The following TENM4 variants were observed in gnomAD, a reference collection of about 807,000 sequenced individuals.
The protein encoded by TENM4 is teneurin transmembrane protein 4.
In TENM4, 82 loss-of-function variants were observed where a neutral mutation model predicts 243.3. The observed-to-expected ratio is 0.34, with a 90% confidence interval of 0.28 to 0.40. The LOEUF (loss-of-function observed/expected upper bound fraction) is 0.40. Ranked by LOEUF, TENM4 falls within the 10% of genes least tolerant of loss-of-function variation. The pLI is 1.00. For missense variants in TENM4, 3,138 were observed against 3,673.3 expected (o/e 0.85, Z 3.77); for synonymous variants, 1,412 against 1,456.3 (o/e 0.97, Z 0.69).
chr11:79,320,302 C>T (rs1403833336), intron 1 of TENM4, among the ~76,000 whole-genome samples: 1 of 152,190 alleles, frequency 6.6e-6, no homozygotes, highest in Non-Finnish European at 1.5e-5. Context: ...GGTACAGCTG[C>T]ATGATGCAAA....
chr11:78,940,967 GAA>G (rs1856880461), intron 6 of TENM4, among the ~76,000 whole-genome samples: 1 of 152,194 alleles, frequency 6.6e-6, no homozygotes. Flanking sequence ...CTTTTTGCCT[GAA>G]AAGTTACCAA....
intron 21 of TENM4, among the ~76,000 whole-genome samples, chr11:78,732,076 C>T (rs1182374824): frequency 6.6e-6 from 1 of 152,068 alleles, no homozygotes; most frequent in African/African-American, 2.4e-5. Context: ...TTAGTATAAA[C>T]CAGAGTGTGC....
At chr11:79,126,322 G>A (rs886992353) in intron 4 of TENM4, among the ~76,000 whole-genome samples, 2 of 152,140 alleles carry the variant, frequency 1.3e-5, no homozygotes, top group Non-Finnish European at 2.9e-5. Context: ...GATTTGTGAG[G>A]GCAGCACCTG....
At chr11:79,231,068 A>G (rs1316464932) in intron 2 of TENM4, among the ~76,000 whole-genome samples, 2 of 152,228 alleles carry the variant, frequency 1.3e-5, no homozygotes, top group African/African-American at 2.4e-5. Flanking sequence ...AACTTAACAA[A>G]AATGAAAGTT....
intron 1 of TENM4, among the ~76,000 whole-genome samples, chr11:79,419,968 T>A (rs978298767): frequency 1.3e-5 from 2 of 152,188 alleles, no homozygotes; most frequent in African/African-American, 4.8e-5. Context: ...TGCATGTGTG[T>A]GTGAGTGAGA....
chr11:78,876,259 G>C (rs1466160798), intron 9 of TENM4, among the ~76,000 whole-genome samples: 5 of 152,202 alleles, frequency 3.3e-5, no homozygotes, highest in African/African-American at 1.2e-4. Flanking sequence ...TATTTGCCTA[G>C]TGGAGCCTCT....
chr11:78,968,450 A>C (rs969486745), intron 6 of TENM4, among the ~76,000 whole-genome samples: 2 of 152,196 alleles, frequency 1.3e-5, no homozygotes, highest in Middle Eastern at 3.4e-3. Context: ...ATGCCTAGCT[A>C]ATTTTTTGTA....
chr11:78,958,805 G>A (rs1276633606), intron 6 of TENM4, among the ~76,000 whole-genome samples: 1 of 152,234 alleles, frequency 6.6e-6, no homozygotes, highest in Non-Finnish European at 1.5e-5. Context: ...GGCATTCTTT[G>A]TAATTTAAAA....
chr11:79,283,373 A>C (rs893239827), intron 2 of TENM4, among the ~76,000 whole-genome samples: 1 of 152,164 alleles, frequency 6.6e-6, no homozygotes, highest in Admixed American at 6.6e-5. Flanking sequence ...CACCATGACC[A>C]AGTGGGATTT....
chr11:79,253,726 A>G (rs1207322963), intron 2 of TENM4, among the ~76,000 whole-genome samples: 1 of 152,204 alleles, frequency 6.6e-6, no homozygotes, highest in African/African-American at 2.4e-5. Context: ...TTTAAGTAAG[A>G]GAGGATGAAG....
At chr11:79,331,395 T>C (rs1244213628) in intron 1 of TENM4, among the ~76,000 whole-genome samples, 1 of 152,176 alleles carries the variant, frequency 6.6e-6, no homozygotes, top group Non-Finnish European at 1.5e-5. Context: ...GCACCTCTGT[T>C]GTTGCCTTAT....
At chr11:78,696,642 G>A (rs1037706908) in intron 28 of TENM4, among the ~76,000 whole-genome samples, 1 of 152,206 alleles carries the variant, frequency 6.6e-6, no homozygotes, top group Admixed American at 6.5e-5. Context: ...TGTTTAGGAT[G>A]TGAAACTGGT....
intron 25 of TENM4, among the ~76,000 whole-genome samples, chr11:78,715,342 T>C (rs555373279): frequency 3.9e-5 from 6 of 152,330 alleles, no homozygotes; most frequent in Admixed American, 2.0e-4. Context: ...TTTCATTTCT[T>C]TGCACATCAC....
chr11:78,800,134 C>A (rs528343444), intron 15 of TENM4, among the ~76,000 whole-genome samples: 1 of 152,194 alleles, frequency 6.6e-6, no homozygotes, highest in Non-Finnish European at 1.5e-5. Flanking sequence ...TAAGGACCAT[C>A]TCAAAGAGAT....
intron 2 of TENM4, among the ~76,000 whole-genome samples, chr11:79,249,536 T>C (rs1242934872): frequency 1.3e-5 from 2 of 152,194 alleles, no homozygotes; most frequent in Non-Finnish European, 2.9e-5. Context: ...CCCACCAAAC[T>C]CAGCCATCTG....
At chr11:79,019,616 C>G (rs2136794127) in intron 6 of TENM4, among the ~76,000 whole-genome samples, 1 of 152,342 alleles carries the variant, frequency 6.6e-6, no homozygotes, top group Non-Finnish European at 1.5e-5. Context: ...TTTATTATTT[C>G]AGTGAATATT....
Position 78,676,293 on chromosome 11 carries a change from G to C in TENM4, c.5355C>G (p.His1785Gln). ...TGGGGTTGACGGTGCCAGCCAGCAA[G>C]TGGGGCTCAGTCTGCAGCGCCACCT... is the stretch of plus-strand genomic sequence containing the variant. ...GMEVALQTEPHLLAGTVNPTV... is the reference protein window; with the variant it reads ...GMEVALQTEPQLLAGTVNPTV... Residue 1785 changes from histidine (H) to glutamine (Q), a missense_variant, in exon 30 of 34, where the codon CAC becomes CAG. His to Gln is a conservative substitution (Grantham distance 24). Coordinates refer to ENST00000278550, the MANE Select transcript of TENM4 (RefSeq NM_001098816.3). 1.2e-6 allele frequency: 2 copies of C among 1,612,850 alleles called. No homozygotes were observed. Among genetic ancestry groups the C allele is most frequent in the African/African-American group, 1.3e-5 (1 of 75,056 alleles).
intron 6 of TENM4, among the ~76,000 whole-genome samples, chr11:78,977,022 G>T (rs1857674741): frequency 6.6e-6 from 1 of 152,136 alleles, no homozygotes; most frequent in Non-Finnish European, 1.5e-5. Context: ...GGTTCTGGAG[G>T]GCAGAAGTCT....
At chr11:78,750,263 T>C (rs1856151635) in intron 19 of TENM4, among the ~76,000 whole-genome samples, 1 of 152,244 alleles carries the variant, frequency 6.6e-6, no homozygotes, top group Non-Finnish European at 1.5e-5. Context: ...GATGCACTGA[T>C]ATTTTCTATT....
Sources: gnomAD v4.1 joint callset for allele counts (sites outside exome capture counted in the v4.1 genomes callset) on GRCh38, gnomAD v4.1.1 for gene constraint, MANE v1.5 for transcripts, NCBI Gene and HGNC (gene_info 2026-07-23, HGNC 2026-07-21) for gene names.